DAPK1: variants seen among roughly 807,000 people sequenced by gnomAD.
DAPK1 encodes the protein death-associated protein kinase 1.
In DAPK1, 56 loss-of-function variants were observed where a neutral mutation model predicts 144.9. The observed-to-expected ratio is 0.39, with a 90% CI of 0.31 to 0.48. The LOEUF is 0.48. Ranked by LOEUF, DAPK1 falls within the 20% of genes least tolerant of loss-of-function variation. DAPK1 has a pLI of 0.95. For synonymous variants in DAPK1, 690 were observed against 749.0 expected, an observed-to-expected ratio of 0.92 and a Z score of 1.29; for missense variants, 1,454 against 1,875.4, an observed-to-expected ratio of 0.78 and a Z score of 4.15.
chr9:87,575,213 C>CAA (rs1276397544), intron 2 of DAPK1, among the ~76,000 whole-genome samples: 1 of 131,316 alleles, frequency 7.6e-6, no homozygotes, highest in Non-Finnish European at 1.7e-5. Flanking sequence ...GACTCCATCT[C>CAA]AATAAAATAA....
chr9:87,630,534 A>G (rs1829638913), intron 3 of DAPK1, among the ~76,000 whole-genome samples: 2 of 152,120 alleles, frequency 1.3e-5, no homozygotes, highest in South Asian at 4.2e-4. Context: ...TGGTGGCCAA[A>G]GAGAGAGATG....
At position 87,631,956 on chromosome 9, in the gene DAPK1, G is replaced by A. The variant is rs796243152; in HGVS notation, c.285-5987G>A. 1.8e-4 allele frequency: 95 copies of A among 538,654 alleles called. 2 individuals are homozygous for A. Among genetic ancestry groups the A allele is most frequent in the African/African-American group, 1.4e-3 (73 of 51,488 alleles). 33.4% of individuals were successfully genotyped at this position (538,654 alleles called of 1,614,324 possible). The stretch of plus-strand genomic sequence containing the variant: ...AACATCTGCCTTCATGAATTGGCAC[G>A]AAGGAGGATGAGTATATATGTAGAA... On this transcript the variant is annotated intron_variant, in intron 3 of 25. Transcript: ENST00000408954.
At chr9:87,522,656 G>A (rs1825342233) in intron 2 of DAPK1, among the ~76,000 whole-genome samples, 1 of 152,218 alleles carries the variant, frequency 6.6e-6, no homozygotes, top group Non-Finnish European at 1.5e-5. Flanking sequence ...ATTCCTAGAA[G>A]TGGAATTGCT....
At chr9:87,499,572 A>G (rs1824319373) in intron 2 of DAPK1, among the ~76,000 whole-genome samples, 1 of 152,204 alleles carries the variant, frequency 6.6e-6, no homozygotes, top group East Asian at 1.9e-4. Context: ...TTTTCAGTGT[A>G]ATTTGAGCAA....
At chr9:87,580,874 G>C (rs1241039595) in intron 2 of DAPK1, among the ~76,000 whole-genome samples, 2 of 152,178 alleles carry the variant, frequency 1.3e-5, no homozygotes, top group Admixed American at 1.3e-4. Context: ...GGGTCTGTCA[G>C]CATGTGGGGA....
intron 2 of DAPK1, among the ~76,000 whole-genome samples, chr9:87,594,831 G>A (rs1828259550): frequency 6.6e-6 from 1 of 152,224 alleles, no homozygotes; most frequent in African/African-American, 2.4e-5. Flanking sequence ...CCAGTAGCCA[G>A]AAGGAGGCAG....
At chr9:87,502,002 A>G (rs1043382454) in intron 2 of DAPK1, among the ~76,000 whole-genome samples, 2 of 152,162 alleles carry the variant, frequency 1.3e-5, no homozygotes, top group African/African-American at 2.4e-5. Flanking sequence ...CTAACTTGTA[A>G]AAGTAGTTGA....
intron 2 of DAPK1, among the ~76,000 whole-genome samples, chr9:87,515,649 T>C (rs1214565581): frequency 6.6e-6 from 1 of 152,154 alleles, no homozygotes; most frequent in Non-Finnish European, 1.5e-5. Context: ...GTGTTTGCAC[T>C]AAATACCCAC....
intron 2 of DAPK1, among the ~76,000 whole-genome samples, chr9:87,527,053 T>G (rs1825538329): frequency 6.6e-6 from 1 of 152,140 alleles, no homozygotes; most frequent in African/African-American, 2.4e-5. Flanking sequence ...CACCTGAAGG[T>G]GAAGGACCCA....
chr9:87,574,648 G>T (rs578218422), intron 2 of DAPK1, among the ~76,000 whole-genome samples: 1 of 152,318 alleles, frequency 6.6e-6, no homozygotes, highest in Admixed American at 6.5e-5. Flanking sequence ...GACCAGGCAC[G>T]GTGGCTCCCG....
chr9:87,574,559 T>C (rs1827473003), intron 2 of DAPK1, among the ~76,000 whole-genome samples: 1 of 152,170 alleles, frequency 6.6e-6, no homozygotes, highest in South Asian at 2.1e-4. Context: ...GCTTAATAAT[T>C]TAATTAATTA....
intron 2 of DAPK1, among the ~76,000 whole-genome samples, chr9:87,512,745 G>A (rs1158277270): frequency 6.6e-6 from 1 of 152,142 alleles, no homozygotes; most frequent in Non-Finnish European, 1.5e-5. Flanking sequence ...CCAGGTTCAA[G>A]AGATTCTCCT....
intron 15 of DAPK1, among the ~76,000 whole-genome samples, chr9:87,649,619 A>T (rs36213700): frequency 9.3e-4 from 142 of 152,280 alleles, no homozygotes; most frequent in Middle Eastern, 6.8e-3. Context: ...GATGGTTTCA[A>T]CGGGCTCCCG....
chr9:87,526,278 G>A (rs4878088), intron 2 of DAPK1, among the ~76,000 whole-genome samples: 18,550 of 152,152 alleles, frequency 0.12, 1,406 homozygotes, highest in Admixed American at 0.16. Context: ...ACGTATAATA[G>A]TTCATAATCC....
At chr9:87,511,236 C>T (rs997898423) in intron 2 of DAPK1, among the ~76,000 whole-genome samples, 2 of 152,166 alleles carry the variant, frequency 1.3e-5, no homozygotes, top group African/African-American at 2.4e-5. Context: ...TGCCTCCTTC[C>T]GACTGGACTC....
At chr9:87,632,734 G>A in intron 3 of DAPK1, 1 of 979,238 alleles carries the variant, frequency 1.0e-6, no homozygotes, top group African/African-American at 1.8e-5. Context: ...GAAGGAGGGT[G>A]AGTATATATG....
chr9:87,607,928 A>G (rs541621523), intron 3 of DAPK1, among the ~76,000 whole-genome samples: 42 of 152,308 alleles, frequency 2.8e-4, no homozygotes, highest in South Asian at 6.2e-4. Context: ...CAGGCTGTAC[A>G]GGAAGCATGG....
chr9:87,524,763 A>G (rs956918608), intron 2 of DAPK1, among the ~76,000 whole-genome samples: 4 of 152,236 alleles, frequency 2.6e-5, no homozygotes, highest in Non-Finnish European at 4.4e-5. Flanking sequence ...ATTGGAGACA[A>G]TGATTCTAAG....
At chr9:87,583,283 G>A (rs114245545) in intron 2 of DAPK1, among the ~76,000 whole-genome samples, 1 of 152,162 alleles carries the variant, frequency 6.6e-6, no homozygotes, top group African/African-American at 2.4e-5. Context: ...AGGAACACTC[G>A]TTGAGTGGGT....
Sources: gnomAD v4.1 joint callset for allele counts (sites outside exome capture counted in the v4.1 genomes callset) on GRCh38, gnomAD v4.1.1 for gene constraint, MANE v1.5 for transcripts, NCBI Gene and HGNC (gene_info 2026-07-23, HGNC 2026-07-21) for gene names.